The following STK38 variants were observed in gnomAD, a reference collection of about 807,000 sequenced individuals.
The protein encoded by STK38 is serine/threonine-protein kinase 38.
A neutral mutation model predicts 59.0 loss-of-function variants in STK38; 26 were observed. The observed-to-expected ratio is 0.44, with a 90% CI of 0.32 to 0.61. STK38 has a LOEUF of 0.61. Among genes scored for constraint, STK38 ranks in the 20% least tolerant of loss-of-function variants. The pLI is 0.04. For synonymous variants in STK38, 175 were observed against 176.6 expected, an observed-to-expected ratio of 0.99 and a Z score of 0.07; for missense variants, 433 against 566.0, an observed-to-expected ratio of 0.76 and a Z score of 2.38.
At chr6:36,505,568 C>T (rs1416922567) in intron 9 of STK38, among the ~76,000 whole-genome samples, 8 of 152,170 alleles carry the variant, frequency 5.3e-5, no homozygotes, top group Non-Finnish European at 7.4e-5. Flanking sequence ...ATTAAAGGTA[C>T]TCTAGAGAAC....
chr6:36,497,907 C>A, intron 11 of STK38, 32 bp from the exon 12 acceptor site: 1 of 1,394,204 alleles, frequency 7.2e-7, no homozygotes, highest in Non-Finnish European at 9.9e-7. Context: ...CAGCACATCT[C>A]AAGCAGTCTC....
Position 36,495,470 on chromosome 6 carries a change from G to GT in STK38, c.*313dup, listed in dbSNP as rs1229464762. The GT allele has an allele frequency of 7.0e-6, 2 of 284,132 alleles. No individual in the cohort carries two copies. Among genetic ancestry groups the GT allele is most frequent in the Non-Finnish European group, 1.4e-5 (2 of 146,434 alleles). The allele number at this position is 284,132 out of a possible 1,614,324, so 17.6% of individuals were successfully genotyped here. On this transcript the variant is annotated 3_prime_UTR_variant, in exon 14 of 14. Transcript: ENST00000229812. ...ATCTCAATAATGTTGGATGATGGCT[G>GT]TTTTTCCCCTTCATTCTGATGAACT... is the stretch of plus-strand genomic sequence containing the variant.
intron 10 of STK38, among the ~76,000 whole-genome samples, chr6:36,498,905 T>C (rs1776771509): frequency 6.6e-6 from 1 of 152,182 alleles, no homozygotes; most frequent in African/African-American, 2.4e-5. Context: ...TCTGTATGTC[T>C]TTAATGACTA....
intron 1 of STK38, among the ~76,000 whole-genome samples, chr6:36,540,464 A>G (rs946102054): frequency 2.0e-5 from 3 of 152,202 alleles, no homozygotes; most frequent in Admixed American, 6.5e-5. Flanking sequence ...CATACACAGG[A>G]TGTTCAGCAC....
intron 9 of STK38, among the ~76,000 whole-genome samples, chr6:36,500,889 C>T (rs1776822608): frequency 6.6e-6 from 1 of 151,938 alleles, no homozygotes; most frequent in African/African-American, 2.4e-5. Flanking sequence ...AAGTTATATC[C>T]TATAACTTAA....
Position 36,514,406 on chromosome 6 carries a change from T to G in STK38, c.669+932A>C, listed in dbSNP as rs998709302. On this transcript the variant is annotated intron_variant, in intron 7 of 13. Coordinates refer to ENST00000229812, the MANE Select transcript of STK38 (RefSeq NM_007271.4). ...AAGAAAAATACCCTAGAAAATAAAT[T>G]TACTTTTCACCTTACAAGAAAAATT... is the stretch of plus-strand genomic sequence containing the variant. Among the ~76,000 whole-genome samples the G allele has an allele frequency of 2.0e-5, 3 of 151,620 alleles. No homozygotes were observed. The East Asian group carries it at 5.8e-4, about 29-fold the overall frequency.
intron 5 of STK38, 40 bp from the exon 6 acceptor site, chr6:36,517,880 T>C: frequency 1.2e-6 from 2 of 1,607,612 alleles, no homozygotes; most frequent in Non-Finnish European, 1.7e-6. Flanking sequence ...AAGCTTGCTC[T>C]GCTTTATTAG....
intron 7 of STK38, among the ~76,000 whole-genome samples, chr6:36,509,772 C>T (rs1289244473): frequency 6.6e-6 from 1 of 152,180 alleles, no homozygotes; most frequent in Non-Finnish European, 1.5e-5. Context: ...CGCTCTTTCA[C>T]TGGATATCTG....
Position 36,517,780 on chromosome 6 carries a change from T to C in STK38, c.451A>G (p.Lys151Glu). The C allele has an allele frequency of 6.2e-7, 1 of 1,614,134 alleles. No individual in the cohort carries two copies. The highest frequency in any genetic ancestry group is 8.5e-7 in the Non-Finnish European group (1 of 1,180,014). ...TTATCCTGAAAACTATAGAACATTTTCACAACCCACAAACTGTCTGCCTCC... is the reference window on the plus strand; with the variant it reads ...TTATCCTGAAAACTATAGAACATTTCCACAACCCACAAACTGTCTGCCTCC... ...LVEADSLWVV[K>E]MFYSFQDKLN... is the part of the protein sequence containing the mutation. The change falls in exon 6 of 14, where the codon AAA (lysine) becomes GAA (glutamate). Residue 151 changes from lysine to glutamate, a missense_variant. Lys to Glu is a moderately conservative substitution (Grantham distance 56). This residue lies in a region of STK38 where 293 missense variants were observed against 388.2 expected (regional missense o/e 0.75). Coordinates refer to ENST00000229812, the MANE Select transcript of STK38 (RefSeq NM_007271.4).
In STK38 at chr6:36,506,370, G is replaced by A. The variant is rs538067777; in HGVS notation, c.834+213C>T. Among the ~76,000 whole-genome samples the A allele has an allele frequency of 1.4e-3, 215 of 152,180 alleles. 1 individual carries two copies. Among genetic ancestry groups the A allele is most frequent in the African/African-American group, 4.7e-3 (194 of 41,514 alleles). ...AAAAGGTCAGAATGAGGTCGCCCAC[G>A]GAAAATGTCACAATCAAAACAACCT... On this transcript the variant is annotated intron_variant, in intron 9 of 13. Coordinates refer to ENST00000229812, the MANE Select transcript of STK38 (RefSeq NM_007271.4).
At chr6:36,503,222 TAGA>T (rs1469166370) in intron 9 of STK38, among the ~76,000 whole-genome samples, 1 of 152,218 alleles carries the variant, frequency 6.6e-6, no homozygotes, top group African/African-American at 2.4e-5. Context: ...TTTTGATATA[TAGA>T]AGGTTTTTTT....
intron 1 of STK38, among the ~76,000 whole-genome samples, chr6:36,545,946 T>G (rs545560479): frequency 6.6e-6 from 1 of 152,360 alleles, no homozygotes; most frequent in African/African-American, 2.4e-5. Flanking sequence ...ACTGACTGAC[T>G]TTACAATGGT....
intron 7 of STK38, among the ~76,000 whole-genome samples, chr6:36,507,920 G>T (rs1777005700): frequency 6.8e-6 from 1 of 147,174 alleles, no homozygotes. Context: ...GTTTCTATAT[G>T]GTATTCAGAA....
intron 13 of STK38, 147 bp downstream of exon 13, chr6:36,496,564 G>C: frequency 1.5e-6 from 1 of 680,732 alleles, no homozygotes. Context: ...CCACTACCCA[G>C]CATTAGAATT....
At chr6:36,527,601 T>C (rs1273782009) in intron 2 of STK38, among the ~76,000 whole-genome samples, 1 of 151,944 alleles carries the variant, frequency 6.6e-6, no homozygotes, top group Non-Finnish European at 1.5e-5. Flanking sequence ...TACTGAACTT[T>C]AGAAAGTACA....
intron 2 of STK38, among the ~76,000 whole-genome samples, chr6:36,538,947 T>C (rs1001029839): frequency 7.2e-6 from 1 of 139,336 alleles, no homozygotes; most frequent in African/African-American, 2.7e-5. Flanking sequence ...GATACAAGAA[T>C]GGATAGATGG....
chr6:36,511,277 G>GT (rs1777101626), intron 7 of STK38, among the ~76,000 whole-genome samples: 1 of 151,960 alleles, frequency 6.6e-6, no homozygotes, highest in African/African-American at 2.4e-5. Flanking sequence ...TTGGATGTGT[G>GT]TATGTACATA....
At chr6:36,540,431 C>A (rs187872332) in intron 1 of STK38, among the ~76,000 whole-genome samples, 1 of 152,102 alleles carries the variant, frequency 6.6e-6, no homozygotes, top group South Asian at 2.1e-4. Context: ...CTAAAGAAAC[C>A]GTCACACAGG....
At chr6:36,544,514 C>T (rs1369668467) in intron 1 of STK38, among the ~76,000 whole-genome samples, 1 of 152,132 alleles carries the variant, frequency 6.6e-6, no homozygotes, top group African/African-American at 2.4e-5. Context: ...GAGTTTTGTA[C>T]TTCCTTGTCT....
Sources: gnomAD v4.1 joint callset for allele counts (sites outside exome capture counted in the v4.1 genomes callset) on GRCh38, gnomAD v4.1.1 for gene constraint, gnomAD v4.1.1 regional missense constraint, MANE v1.5 for transcripts, NCBI Gene and HGNC (gene_info 2026-07-23, HGNC 2026-07-21) for gene names.